Variants in AKAP7 observed in about 807,000 individuals in gnomAD.
The protein encoded by AKAP7 is A kinase (PRKA) anchor protein 7.
AKAP7 carries 39 observed loss-of-function variants against 39.5 expected under a neutral mutation model. That is an observed-to-expected ratio of 0.99 (90% CI 0.76 to 1.29). The LOEUF is 1.29. Ranked by LOEUF, AKAP7 falls within the 50% of genes most tolerant of loss-of-function variation. The pLI is 0.00. For missense variants in AKAP7, 414 were observed against 407.7 expected, an observed-to-expected ratio of 1.02 and a Z score of -0.13; for synonymous variants, 140 against 139.1, an observed-to-expected ratio of 1.01 and a Z score of -0.05.
At chr6:131,191,965 G>A (rs1392592527) in intron 5 of AKAP7, among the ~76,000 whole-genome samples, 2 of 151,520 alleles carry the variant, frequency 1.3e-5, no homozygotes, top group African/African-American at 2.4e-5. Context: ...TTGTAGAGAC[G>A]GGGTCTATCC....
chr6:131,258,905 A>T (rs1401476710), intron 7 of AKAP7, among the ~76,000 whole-genome samples: 1 of 152,176 alleles, frequency 6.6e-6, no homozygotes, highest in Non-Finnish European at 1.5e-5. Context: ...TACAAACAAG[A>T]TGCTTGGTGT....
In AKAP7 at chr6:131,186,180, G is replaced by A. The variant is rs576919564; in HGVS notation, c.590-13281G>A. On this transcript the variant is annotated intron_variant, in intron 5 of 7. Transcript: ENST00000431975. ...AGGTGATTGGATCATCATCCTCTTG[G>A]TACCATCCTCATGCTAGTGAGTGAG... 2.6e-4 allele frequency among the ~76,000 whole-genome samples: 40 copies of A among 152,206 alleles called. No homozygotes were observed. In the East Asian group the frequency reaches 6.8e-3, roughly 26 times the overall value.
chr6:131,213,313 A>G (rs1231986768), intron 6 of AKAP7, among the ~76,000 whole-genome samples: 1 of 152,214 alleles, frequency 6.6e-6, no homozygotes, highest in African/African-American at 2.4e-5. Context: ...AATTTTTTAT[A>G]CCAGTGGCTT....
intron 7 of AKAP7, among the ~76,000 whole-genome samples, chr6:131,260,392 A>C (rs1306602015): frequency 6.6e-6 from 1 of 152,176 alleles, no homozygotes; most frequent in Non-Finnish European, 1.5e-5. Flanking sequence ...TGTCTTCCAC[A>C]GTGGTTGAAC....
chr6:131,164,373 T>G (rs1368399307), intron 3 of AKAP7: 2 of 455,336 alleles, frequency 4.4e-6, no homozygotes, highest in Admixed American at 4.7e-5. Flanking sequence ...GGAGGGAAGA[T>G]GCATCATTCC....
At chr6:131,165,741 C>A (rs961676378) in intron 4 of AKAP7, among the ~76,000 whole-genome samples, 2 of 152,082 alleles carry the variant, frequency 1.3e-5, no homozygotes, top group African/African-American at 4.8e-5. Context: ...CTCTACCTAC[C>A]CCCACCGCCC....
At chr6:131,219,394 G>T (rs938152681) in intron 6 of AKAP7, among the ~76,000 whole-genome samples, 2 of 151,858 alleles carry the variant, frequency 1.3e-5, no homozygotes, top group African/African-American at 2.4e-5. Flanking sequence ...ATTATTTCTG[G>T]AGCTTAAAAT....
At chr6:131,227,117 G>C (rs980616558) in intron 7 of AKAP7, among the ~76,000 whole-genome samples, 13 of 152,126 alleles carry the variant, frequency 8.5e-5, no homozygotes, top group Non-Finnish European at 1.9e-4. Context: ...GGGGGATAGG[G>C]GAGTAAAAGA....
Position 131,282,556 on chromosome 6 carries a change from C to T in AKAP7, c.*830C>T. 6.5e-7 allele frequency: 1 copy of T among 1,535,806 alleles called. No individual in the cohort carries two copies. On this transcript the variant is annotated 3_prime_UTR_variant, in exon 8 of 8. Transcript: ENST00000431975. ...AGCTTTTTGAAGGAAGACTTATTAA[C>T]AACAGTAATTCAGCAAATGACGTTG... is the stretch of plus-strand genomic sequence containing the variant.
Position 131,279,632 on chromosome 6 carries a change from T to C in AKAP7, c.851-1898T>C, listed in dbSNP as rs549430803. On this transcript the variant is annotated intron_variant, in intron 7 of 7. Coordinates refer to ENST00000431975, the MANE Select transcript of AKAP7 (RefSeq NM_016377.4). ...ACAGGGACACTTCACTGTGGACTAG[T>C]AGAAATCACAGAAGCATGGAACATT... Among the ~76,000 whole-genome samples, 5 of 152,254 alleles carry C rather than the reference T, an allele frequency of 3.3e-5. No individual in the cohort carries two copies. The South Asian group carries it at 1.0e-3, about 32-fold the overall frequency.
chr6:131,158,799 G>A (rs148375604), intron 2 of AKAP7, among the ~76,000 whole-genome samples: 75 of 152,150 alleles, frequency 4.9e-4, no homozygotes, highest in African/African-American at 1.6e-3. Flanking sequence ...GAGCCACCAT[G>A]CCCTGCAGGG....
intron 3 of AKAP7, chr6:131,164,267 T>C (rs55754055): frequency 0.023 from 9,820 of 430,352 alleles, 213 homozygotes; most frequent in Admixed American, 0.054. Context: ...CTTTTCTCTG[T>C]TGTTTTTTTT....
intron 7 of AKAP7, among the ~76,000 whole-genome samples, chr6:131,237,824 C>T (rs1372653067): frequency 6.6e-6 from 1 of 152,174 alleles, no homozygotes; most frequent in Non-Finnish European, 1.5e-5. Flanking sequence ...TGCTAGCAGT[C>T]TATCAATTTT....
At chr6:131,234,423 C>A (rs550490618) in intron 7 of AKAP7, among the ~76,000 whole-genome samples, 2 of 152,206 alleles carry the variant, frequency 1.3e-5, no homozygotes, top group East Asian at 3.9e-4. Context: ...ATTGTCAGGA[C>A]AGGCTGCACA....
chr6:131,226,637 T>G (rs915123369), intron 7 of AKAP7, among the ~76,000 whole-genome samples: 1 of 152,240 alleles, frequency 6.6e-6, no homozygotes, highest in African/African-American at 2.4e-5. Flanking sequence ...CTTGGGAATG[T>G]AAATGACTAA....
At position 131,180,231 on chromosome 6, in the gene AKAP7, T is replaced by G. The variant is rs57844946; in HGVS notation, c.589+10958T>G. Among the ~76,000 whole-genome samples, 117 of 152,316 alleles carry G rather than the reference T, an allele frequency of 7.7e-4. 2 individuals are homozygous for G. In the East Asian group the frequency reaches 0.016, roughly 21 times the overall value. On this transcript the variant is annotated intron_variant, in intron 5 of 7. Transcript: ENST00000431975. ...ACAGTTTTGGGAAAAGAGGTGTCCT[T>G]TATCTAGTTAAGACTAACCCCTTCA...
At chr6:131,130,827 A>G (rs1268394134), upstream of AKAP7, among the ~76,000 whole-genome samples, 1 of 152,214 alleles carries the variant, frequency 6.6e-6, no homozygotes, top group African/African-American at 2.4e-5. Context: ...ATTTTGGAGG[A>G]ATTTCACAAA....
At chr6:131,154,013 C>T (rs1248924851) in intron 2 of AKAP7, among the ~76,000 whole-genome samples, 1 of 152,060 alleles carries the variant, frequency 6.6e-6, no homozygotes, top group East Asian at 1.9e-4. Flanking sequence ...AGTTCGAGAC[C>T]ATCCTGGCCA....
intron 7 of AKAP7, among the ~76,000 whole-genome samples, chr6:131,258,932 T>C (rs1813083730): frequency 6.6e-6 from 1 of 152,126 alleles, no homozygotes; most frequent in Non-Finnish European, 1.5e-5. Flanking sequence ...ACAGAGGATC[T>C]CATATTCCCA....
Sources: gnomAD v4.1 joint callset for allele counts (sites outside exome capture counted in the v4.1 genomes callset) on GRCh38, gnomAD v4.1.1 for gene constraint, MANE v1.5 for transcripts, NCBI Gene and HGNC (gene_info 2026-07-23, HGNC 2026-07-21) for gene names.